The following CAMK2A variants were observed in gnomAD, a reference collection of about 807,000 sequenced individuals.
The protein encoded by CAMK2A is calcium/calmodulin-dependent protein kinase type II subunit alpha.
In CAMK2A, 7 loss-of-function variants were observed where a neutral mutation model predicts 79.2. The ratio of observed to expected loss-of-function variants is 0.09; its 90% CI spans 0.05 to 0.17. The LOEUF (loss-of-function observed/expected upper bound fraction) is 0.17. Ranked by LOEUF, CAMK2A falls within the 10% of genes least tolerant of loss-of-function variation. CAMK2A has a pLI of 1.00. For missense variants in CAMK2A, 214 were observed against 646.4 expected, an observed-to-expected ratio of 0.33 and a Z score of 7.25; for synonymous variants, 242 against 251.7, an observed-to-expected ratio of 0.96 and a Z score of 0.36.
intron 13 of CAMK2A, among the ~76,000 whole-genome samples, 184 bp downstream of exon 13, chr5:150,244,977 C>T (rs983330486): frequency 2.0e-5 from 3 of 152,058 alleles, no homozygotes; most frequent in Non-Finnish European, 4.4e-5. Flanking sequence ...CCAACAGTCA[C>T]GGCGCAACGG....
chr5:150,224,529 A>G (rs1374871511), intron 17 of CAMK2A, among the ~76,000 whole-genome samples: 1 of 152,092 alleles, frequency 6.6e-6, no homozygotes, highest in Non-Finnish European at 1.5e-5. Flanking sequence ...CCCATCCCCT[A>G]ATATCAGAAG....
intron 1 of CAMK2A, among the ~76,000 whole-genome samples, chr5:150,286,271 A>T (rs1356352510): frequency 4.6e-5 from 7 of 152,168 alleles, no homozygotes; most frequent in African/African-American, 1.7e-4. Flanking sequence ...GACTCATCTG[A>T]ATTCATATGC....
At chr5:150,263,433 C>T (rs968749483) in intron 3 of CAMK2A, among the ~76,000 whole-genome samples, 3 of 151,750 alleles carry the variant, frequency 2.0e-5, no homozygotes, top group Admixed American at 6.6e-5. Flanking sequence ...CACATTCACA[C>T]ACACATTCAC....
rs1384231300 is a variant in CAMK2A at position 150,220,039 on chromosome 5, A to AG, written c.*2670dup. The AG allele has an allele frequency of 2.0e-5, 3 of 152,700 alleles. No homozygotes were observed. Among genetic ancestry groups the AG allele is most frequent in the Non-Finnish European group, 4.4e-5 (3 of 68,036 alleles). 9.5% of individuals were successfully genotyped at this position (152,700 alleles called of 1,614,324 possible). On this transcript the variant is annotated 3_prime_UTR_variant, in exon 19 of 19. Transcript: ENST00000671881. Reference sequence around the variant, plus strand: ...TGGCACCAGGTGGCTGCCCACCCACAGGCGTGGCCTTCACAGTGGGGGCCA... The same window carrying AG: ...TGGCACCAGGTGGCTGCCCACCCACAGGGCGTGGCCTTCACAGTGGGGGCCA...
chr5:150,247,566 G>A (rs1271411214), intron 12 of CAMK2A, among the ~76,000 whole-genome samples: 1 of 152,184 alleles, frequency 6.6e-6, no homozygotes, highest in Non-Finnish European at 1.5e-5. Context: ...AACCAGTCCT[G>A]GTGGGCCCTG....
At chr5:150,287,509 C>T (rs1190368177) in intron 1 of CAMK2A, among the ~76,000 whole-genome samples, 3 of 152,206 alleles carry the variant, frequency 2.0e-5, no homozygotes, top group Non-Finnish European at 4.4e-5. Context: ...TGTGAAGGCT[C>T]ACGAAGGGTC....
chr5:150,286,009 C>T (rs1757411513), intron 1 of CAMK2A, among the ~76,000 whole-genome samples: 1 of 152,164 alleles, frequency 6.6e-6, no homozygotes, highest in South Asian at 2.1e-4. Flanking sequence ...AGCATTCTTC[C>T]CTTTCTCAGA....
intron 1 of CAMK2A, among the ~76,000 whole-genome samples, chr5:150,279,747 C>G (rs886620881): frequency 6.6e-6 from 1 of 152,206 alleles, no homozygotes; most frequent in Non-Finnish European, 1.5e-5. Context: ...GGGAGGCCCC[C>G]CTCCGGCACT....
At chr5:150,254,466 G>T (rs80150229) in intron 6 of CAMK2A, among the ~76,000 whole-genome samples, 3 of 152,180 alleles carry the variant, frequency 2.0e-5, no homozygotes, top group Non-Finnish European at 4.4e-5. Context: ...AGCCAGAATC[G>T]AGGCAAAGTC....
At chr5:150,234,763 TG>T (rs1208869547) in intron 15 of CAMK2A, among the ~76,000 whole-genome samples, 2 of 152,152 alleles carry the variant, frequency 1.3e-5, no homozygotes, top group African/African-American at 4.8e-5. Context: ...TAGCTCTGGT[TG>T]GAACCCAGGG....
chr5:150,269,782 C>G lies in CAMK2A; in HGVS notation c.157+3283G>C, dbSNP rs147058128. ...GTACCTGCTCCCTGCATAGGACAGC[C>G]TGATCCTGGGAGCAAGAGTGCCAGG... On this transcript the variant is annotated intron_variant, in intron 2 of 18. Transcript: ENST00000671881. Among the ~76,000 whole-genome samples the G allele has an allele frequency of 8.3e-4, 126 of 152,320 alleles. No homozygotes were observed. The Middle Eastern group carries it at 0.01, about 12-fold the overall frequency.
Sources: gnomAD v4.1 joint callset for allele counts (sites outside exome capture counted in the v4.1 genomes callset) on GRCh38, gnomAD v4.1.1 for gene constraint, MANE v1.5 for transcripts, NCBI Gene and HGNC (gene_info 2026-07-23, HGNC 2026-07-21) for gene names.